The following EIF2B3 variants were observed in gnomAD, a reference collection of about 807,000 sequenced individuals.
The protein encoded by EIF2B3 is translation initiation factor eIF2B subunit gamma.
A neutral mutation model predicts 54.1 loss-of-function variants in EIF2B3; 20 were observed. The ratio of observed to expected loss-of-function variants is 0.37; its 90% CI spans 0.26 to 0.54. The LOEUF is 0.54. EIF2B3 is among the 20% of genes least tolerant of loss of function. The probability of loss-of-function intolerance (pLI) is 0.86; values close to 1 mark genes in which losing one functional copy is unlikely to be tolerated. For missense variants in EIF2B3, 448 were observed against 547.8 expected (o/e 0.82, Z 1.82); for synonymous variants, 153 against 188.1 (o/e 0.81, Z 1.52).
At chr1:44,907,341 C>T (rs946649838) in intron 5 of EIF2B3, among the ~76,000 whole-genome samples, 1 of 150,562 alleles carries the variant, frequency 6.6e-6, no homozygotes, top group African/African-American at 2.4e-5. Flanking sequence ...GGGTGGATCA[C>T]GAGGTCAGGG....
intron 8 of EIF2B3, 135 bp downstream of exon 8, chr1:44,879,683 C>G (rs3738249): frequency 9.9e-7 from 1 of 1,006,704 alleles, no homozygotes; most frequent in Non-Finnish European, 1.5e-6. Flanking sequence ...TCTCCCTTGA[C>G]GTGCCAGGTC....
At chr1:44,930,861 G>A (rs972246406) in intron 4 of EIF2B3, among the ~76,000 whole-genome samples, 7 of 152,246 alleles carry the variant, frequency 4.6e-5, no homozygotes, top group East Asian at 3.9e-4. Flanking sequence ...GGCTGGTCTC[G>A]AACTCCTGAC....
intron 10 of EIF2B3, among the ~76,000 whole-genome samples, chr1:44,867,652 GTAAT>G: frequency 6.6e-6 from 1 of 152,102 alleles, no homozygotes; most frequent in Non-Finnish European, 1.5e-5. Flanking sequence ...TTTGCCGTAA[GTAAT>G]TAAAATTAAG....
chr1:44,874,871 A>G lies in EIF2B3; in HGVS notation c.1054-45T>C, dbSNP rs749611682. On this transcript the variant is annotated intron_variant, in intron 9 of 11. Transcript: ENST00000360403. The stretch of plus-strand genomic sequence containing the variant: ...AAACTCTGTCCACCCATCTCAACCA[A>G]CTGCAAACCACCCTCCAGATCCCTC... The G allele has an allele frequency of 9.3e-6, 15 of 1,612,282 alleles. No individual in the cohort carries two copies. The Admixed American group carries it at 1.8e-4, about 20-fold the overall frequency.
At chr1:44,919,883 C>CTTTTTTTTTTTTTTTTTTTTT (rs1194645004) in intron 5 of EIF2B3, among the ~76,000 whole-genome samples, 3 of 117,236 alleles carry the variant, frequency 2.6e-5, no homozygotes, top group South Asian at 3.0e-4. Context: ...TGCCTGGCTA[C>CTTTTTTTTTTTTTTTTTTTTT]TTTTTTTTTT....
chr1:44,862,111 TAAG>T (rs1654625506), intron 10 of EIF2B3, among the ~76,000 whole-genome samples: 1 of 152,172 alleles, frequency 6.6e-6, no homozygotes, highest in South Asian at 2.1e-4. Context: ...GTTTAGTGCC[TAAG>T]GAGAGAGAAG....
intron 4 of EIF2B3, 55 bp from the exon 5 acceptor site, chr1:44,926,794 T>A: frequency 7.1e-7 from 1 of 1,417,808 alleles, no homozygotes; most frequent in Non-Finnish European, 9.9e-7. Context: ...CCTGCCTGTA[T>A]GAATACACCA....
chr1:44,950,185 G>C (rs1455548151), intron 3 of EIF2B3, among the ~76,000 whole-genome samples: 1 of 152,204 alleles, frequency 6.6e-6, no homozygotes, highest in Non-Finnish European at 1.5e-5. Flanking sequence ...CATTTTGGGA[G>C]GCCAAGGTGG....
chr1:44,914,166 T>C (rs1224334743), intron 5 of EIF2B3, among the ~76,000 whole-genome samples: 1 of 150,990 alleles, frequency 6.6e-6, no homozygotes, highest in Non-Finnish European at 1.5e-5. Flanking sequence ...GGGAATTTTT[T>C]TTTTTTTTTT....
intron 5 of EIF2B3, among the ~76,000 whole-genome samples, chr1:44,919,674 C>T (rs1192956725): frequency 2.0e-5 from 3 of 149,968 alleles, no homozygotes; most frequent in Non-Finnish European, 4.4e-5. Context: ...AATCTCCCTT[C>T]ATCATCATAC....
intron 3 of EIF2B3, among the ~76,000 whole-genome samples, chr1:44,954,675 G>A (rs939266278): frequency 1.3e-5 from 2 of 152,188 alleles, no homozygotes; most frequent in African/African-American, 2.4e-5. Flanking sequence ...TGCAAATAGA[G>A]ACAATTTGAC....
intron 1 of EIF2B3, 66 bp from the exon 2 acceptor site, chr1:44,981,243 T>C: frequency 1.3e-6 from 2 of 1,541,326 alleles, no homozygotes; most frequent in Admixed American, 1.7e-5. Flanking sequence ...GCACACATAC[T>C]ACTAGCCTAT....
intron 3 of EIF2B3, among the ~76,000 whole-genome samples, chr1:44,942,380 TATATATATA>T (rs1644034033): frequency 1.2e-4 from 1 of 8,548 alleles, no homozygotes; most frequent in African/African-American, 7.7e-4. Context: ...TCTGATTTTA[TATATATATA>T]TATATATATA....
intron 5 of EIF2B3, among the ~76,000 whole-genome samples, chr1:44,904,118 T>G (rs1453479600): frequency 6.6e-6 from 1 of 151,932 alleles, no homozygotes; most frequent in East Asian, 1.9e-4. Context: ...AAAAACTGAG[T>G]GTGTCCTGCC....
intron 8 of EIF2B3, among the ~76,000 whole-genome samples, chr1:44,876,069 G>A (rs1359792682): frequency 6.6e-6 from 1 of 152,240 alleles, no homozygotes; most frequent in Non-Finnish European, 1.5e-5. Flanking sequence ...TGCAGACGGA[G>A]TCTGGTTCAC....
chr1:44,866,135 C>T (rs967880117), intron 10 of EIF2B3, among the ~76,000 whole-genome samples: 3 of 151,992 alleles, frequency 2.0e-5, no homozygotes, highest in African/African-American at 2.4e-5. Context: ...TGGTGGCTCA[C>T]GCCTGTAATC....
At chr1:44,906,705 G>T (rs1485043927) in intron 5 of EIF2B3, among the ~76,000 whole-genome samples, 3 of 152,110 alleles carry the variant, frequency 2.0e-5, no homozygotes, top group African/African-American at 7.2e-5. Flanking sequence ...CGGGATAAAA[G>T]ATATTATGAA....
intron 5 of EIF2B3, among the ~76,000 whole-genome samples, chr1:44,923,272 TG>T (rs1213503750): frequency 2.0e-5 from 3 of 152,234 alleles, no homozygotes; most frequent in Admixed American, 2.0e-4. Context: ...GTAACAGCAG[TG>T]AAAGTGGGCA....
At chr1:44,971,400 T>C (rs1394418514) in intron 3 of EIF2B3, among the ~76,000 whole-genome samples, 3 of 149,680 alleles carry the variant, frequency 2.0e-5, no homozygotes, top group Non-Finnish European at 3.0e-5. Flanking sequence ...ATCAAAGTCA[T>C]ACAAAAAGGC....
Sources: allele counts gnomAD v4.1 joint callset (sites outside exome capture counted in the v4.1 genomes callset), GRCh38; gene constraint gnomAD v4.1.1; transcripts MANE v1.5; gene names NCBI Gene and HGNC (gene_info 2026-07-23, HGNC 2026-07-21).